The following PRORP variants were observed in gnomAD, a reference collection of about 807,000 sequenced individuals.
PRORP encodes protein only RNase P catalytic subunit, also known as mitochondrial ribonuclease P catalytic subunit.
In PRORP, 51 loss-of-function variants were observed where a neutral mutation model predicts 59.4. The ratio of observed to expected loss-of-function variants is 0.86; its 90% CI spans 0.69 to 1.08. The LOEUF (loss-of-function observed/expected upper bound fraction) is 1.08, where lower values mean the gene tolerates loss of function less well. PRORP is among the 50% of genes least tolerant of loss of function. The pLI is 0.00. For synonymous variants in PRORP, 231 were observed against 245.6 expected (o/e 0.94, Z 0.55); for missense variants, 646 against 690.3 (o/e 0.94, Z 0.72).
chr14:35,240,791 C>T (rs967938019), intron 5 of PRORP, among the ~76,000 whole-genome samples: 4 of 152,132 alleles, frequency 2.6e-5, no homozygotes, highest in Admixed American at 6.5e-5. Context: ...TCCCTCTGGC[C>T]CTGCATTATC....
rs1290136966 is a variant in PRORP at position 35,276,339 on chromosome 14, CAG to C, written c.*2774_*2775del. 2 of 152,390 alleles carry C rather than the reference CAG, an allele frequency of 1.3e-5. No individual in the cohort carries two copies. The highest frequency in any genetic ancestry group is 4.8e-5 in the African/African-American group (2 of 41,426). 9.4% of individuals were successfully genotyped at this position (152,390 alleles called of 1,614,324 possible). A position where few individuals can be genotyped will look rare whatever the true frequency, so the allele number is the denominator to read the frequency against. On this transcript the variant is annotated 3_prime_UTR_variant, in exon 8 of 8. Coordinates refer to ENST00000534898, the MANE Select transcript of PRORP (RefSeq NM_014672.4). Reference sequence around the variant, plus strand: ...GGGAGGTAAGAATGAGAAGAAGGAACAGGGGTGTACCTCTTTTAAGGGCCCAA... The same window carrying C: ...GGGAGGTAAGAATGAGAAGAAGGAACGGGTGTACCTCTTTTAAGGGCCCAA...
intron 5 of PRORP, among the ~76,000 whole-genome samples, chr14:35,228,699 G>T (rs2049999760): frequency 6.6e-6 from 1 of 152,164 alleles, no homozygotes; most frequent in Non-Finnish European, 1.5e-5. Context: ...TCTTTATCCA[G>T]TCCACCATTG....
In PRORP at chr14:35,270,404, G is replaced by C. The variant is rs201496017; in HGVS notation, c.1428G>C (p.Ser476=). ...TCCTTTCTTATGCCTGGTTCAGCTC[G>C]GAGGATGATCCATTCCTTCTGTATG... ...QASCFFADDI[S]EDDPFLLYAT... The change falls in exon 7 of 8, where the codon TCG becomes TCC. Residue 476 remains serine (S), a synonymous_variant. Coordinates refer to ENST00000534898, the MANE Select transcript of PRORP (RefSeq NM_014672.4). 132 of 1,612,986 alleles carry C rather than the reference G, an allele frequency of 8.2e-5. No homozygotes were observed. In the East Asian group the frequency reaches 2.9e-3, roughly 35 times the overall value.
chr14:35,134,046 C>G (rs1193447500), intron 4 of PRORP, among the ~76,000 whole-genome samples: 1 of 152,200 alleles, frequency 6.6e-6, no homozygotes, highest in African/African-American at 2.4e-5. Context: ...GCCAGCCAGG[C>G]CTGTGTTCTT....
At position 35,172,404 on chromosome 14, in the gene PRORP, GTTTC is replaced by G. The variant is rs1177373189; in HGVS notation, c.1168-8257_1168-8254del. Among the ~76,000 whole-genome samples the G allele has an allele frequency of 1.6e-3, 155 of 99,944 alleles. 4 individuals carry two copies. Among genetic ancestry groups the G allele is most frequent in the African/African-American group, 4.7e-3 (136 of 28,682 alleles). The allele number at this position is 99,944 out of a possible 152,430, so 65.6% of individuals were successfully genotyped here. A position where few individuals can be genotyped will look rare whatever the true frequency, so the allele number is the denominator to read the frequency against. The stretch of plus-strand genomic sequence containing the variant: ...ACTCAGGCATCTACACTTTGGATTG[GTTTC>G]TTTCTTTCCTTCCTTCCTTCCTTCC... On this transcript the variant is annotated intron_variant, in intron 4 of 7. Coordinates refer to ENST00000534898, the MANE Select transcript of PRORP (RefSeq NM_014672.4).
Position 35,123,144 on chromosome 14 carries a change from A to T in PRORP, c.-102A>T. Reference sequence around the variant, plus strand: ...AAACACAAACCTTTTAAAAAGTTCCACTTCGACTCTGCACCGCCGACCCCC... The same window carrying T: ...AAACACAAACCTTTTAAAAAGTTCCTCTTCGACTCTGCACCGCCGACCCCC... On this transcript the variant is annotated 5_prime_UTR_variant, in exon 2 of 8. Transcript: ENST00000534898. 8.3e-7 allele frequency: 1 copy of T among 1,197,928 alleles called. No homozygotes were observed. The highest frequency in any genetic ancestry group is 1.2e-6 in the Non-Finnish European group (1 of 858,368). The allele number at this position is 1,197,928 out of a possible 1,614,324, so 74.2% of individuals were successfully genotyped here. A position where few individuals can be genotyped will look rare whatever the true frequency, so the allele number is the denominator to read the frequency against.
intron 4 of PRORP, among the ~76,000 whole-genome samples, chr14:35,141,882 A>G (rs2047488064): frequency 7.1e-6 from 1 of 141,380 alleles, no homozygotes; most frequent in South Asian, 2.3e-4. Context: ...ACACCTGGGC[A>G]ATTTTTTTTT....
chr14:35,131,491 T>C (rs1375419657), intron 4 of PRORP, among the ~76,000 whole-genome samples: 6 of 151,880 alleles, frequency 4.0e-5, no homozygotes, highest in Admixed American at 6.6e-5. Context: ...GTATTTTAGC[T>C]CCATTGTATG....
intron 4 of PRORP, among the ~76,000 whole-genome samples, chr14:35,133,463 TTC>T (rs1250934364): frequency 1.4e-4 from 22 of 152,260 alleles, no homozygotes; most frequent in Admixed American, 1.2e-3. Context: ...CTATTTTGAA[TTC>T]TCTGTCTGAA....
chr14:35,135,889 C>T (rs1468698273), intron 4 of PRORP, among the ~76,000 whole-genome samples: 1 of 147,392 alleles, frequency 6.8e-6, no homozygotes, highest in African/African-American at 2.5e-5. Flanking sequence ...ACCTGGGAGG[C>T]GGAGGTTGCA....
At position 35,258,883 on chromosome 14, in the gene PRORP, T is replaced by C. The variant is rs74533519; in HGVS notation, c.1276-7844T>C. ...TAAGAAGGACTAAAATGAGGTTAAC[T>C]GATTTTTCTGCTTCATTCTTTCTTT... On this transcript the variant is annotated intron_variant, in intron 5 of 7. Transcript: ENST00000534898. Among the ~76,000 whole-genome samples the C allele has an allele frequency of 6.2e-3, 941 of 152,388 alleles. 17 individuals carry two copies. The highest frequency in any genetic ancestry group is 0.021 in the African/African-American group (857 of 41,600).
At chr14:35,179,960 C>T (rs192388094) in intron 4 of PRORP, among the ~76,000 whole-genome samples, 2 of 152,318 alleles carry the variant, frequency 1.3e-5, no homozygotes, top group Non-Finnish European at 2.9e-5. Context: ...ACAGTCAGGA[C>T]CCTCAGCTGC....
At position 35,276,556 on chromosome 14, in the gene PRORP, G is replaced by A. The variant is rs528194651; in HGVS notation, c.*2990G>A. ...TAAGTCATACTGCCACGGTGACCTTGAGGAGTGCAGGGATTCCCTGAAGGA... is the reference window on the plus strand; with the variant it reads ...TAAGTCATACTGCCACGGTGACCTTAAGGAGTGCAGGGATTCCCTGAAGGA... On this transcript the variant is annotated 3_prime_UTR_variant, in exon 8 of 8. Coordinates refer to ENST00000534898, the MANE Select transcript of PRORP (RefSeq NM_014672.4). 2 of 151,982 alleles carry A rather than the reference G, an allele frequency of 1.3e-5. No individual in the cohort carries two copies. Among genetic ancestry groups the A allele is most frequent in the South Asian group, 2.1e-4 (1 of 4,824 alleles). The allele number at this position is 151,982 out of a possible 1,614,324, so 9.4% of individuals were successfully genotyped here. A position where few individuals can be genotyped will look rare whatever the true frequency, so the allele number is the denominator to read the frequency against.
At position 35,240,591 on chromosome 14, in the gene PRORP, C is replaced by T. The variant is rs900458842; in HGVS notation, c.1276-26136C>T. ...AGCATGTAGGATCACACTGGATCTCCTCATTTTTTTATTCTACAACATATC... is the reference window on the plus strand; with the variant it reads ...AGCATGTAGGATCACACTGGATCTCTTCATTTTTTTATTCTACAACATATC... On this transcript the variant is annotated intron_variant, in intron 5 of 7. Coordinates refer to ENST00000534898, the MANE Select transcript of PRORP (RefSeq NM_014672.4). 2.8e-4 allele frequency among the ~76,000 whole-genome samples: 42 copies of T among 152,122 alleles called. 1 individual carries two copies. Among genetic ancestry groups the T allele is most frequent in the African/African-American group, 9.9e-4 (41 of 41,418 alleles).
At chr14:35,205,390 A>G (rs993536700) in intron 5 of PRORP, among the ~76,000 whole-genome samples, 5 of 152,304 alleles carry the variant, frequency 3.3e-5, no homozygotes, top group African/African-American at 1.2e-4. Context: ...AGGTTTCACC[A>G]TGTTGGCCAG....
At chr14:35,122,014 C>T, upstream of PRORP, 1 of 1,601,460 alleles carries the variant, frequency 6.2e-7, no homozygotes, top group Non-Finnish European at 8.6e-7. Context: ...TGCTCCACCC[C>T]TACCAGCTCA....
At chr14:35,203,619 C>G (rs2049212988) in intron 5 of PRORP, among the ~76,000 whole-genome samples, 1 of 152,170 alleles carries the variant, frequency 6.6e-6, no homozygotes, top group Non-Finnish European at 1.5e-5. Context: ...AATCCCAGCA[C>G]TTTGGGAGGC....
chr14:35,210,524 C>T (rs1372847317), intron 5 of PRORP, among the ~76,000 whole-genome samples: 1 of 151,586 alleles, frequency 6.6e-6, no homozygotes, highest in African/African-American at 2.4e-5. Flanking sequence ...GGGAAGTCAG[C>T]AGGAGTGGCA....
chr14:35,151,771 C>T (rs929787460), intron 4 of PRORP, among the ~76,000 whole-genome samples: 5 of 152,024 alleles, frequency 3.3e-5, no homozygotes, highest in African/African-American at 9.7e-5. Context: ...GTTGTATCCT[C>T]ATAACTCAGA....
Sources: allele counts gnomAD v4.1 joint callset (sites outside exome capture counted in the v4.1 genomes callset), GRCh38; gene constraint gnomAD v4.1.1; transcripts MANE v1.5; gene names NCBI Gene and HGNC (gene_info 2026-07-23, HGNC 2026-07-21).